Variants in A1CF observed in about 807,000 individuals in gnomAD.
A1CF encodes the protein APOBEC-1 stimulating protein.
Under a neutral mutation model 68.9 loss-of-function variants are expected in A1CF, and 48 were observed. The observed-to-expected ratio is 0.70, with a 90% CI of 0.55 to 0.89. The LOEUF (loss-of-function observed/expected upper bound fraction) is 0.89. A1CF is among the 40% of genes least tolerant of loss of function. The probability of loss-of-function intolerance (pLI) is 0.00; values close to 1 mark genes in which losing one functional copy is unlikely to be tolerated. For missense variants in A1CF, 653 were observed against 718.9 expected (o/e 0.91, Z 1.05); for synonymous variants, 272 against 260.4 (o/e 1.04, Z -0.43).
At chr10:50,863,785 GAC>G (rs1230296872) in intron 2 of A1CF, among the ~76,000 whole-genome samples, 1 of 152,046 alleles carries the variant, frequency 6.6e-6, no homozygotes, top group East Asian at 1.9e-4. Context: ...AATACAGTGA[GAC>G]AGAAGTTCTA....
chr10:50,821,024 T>C (rs1838635889), intron 7 of A1CF, among the ~76,000 whole-genome samples: 1 of 152,200 alleles, frequency 6.6e-6, no homozygotes, highest in Non-Finnish European at 1.5e-5. Flanking sequence ...ATTTAGGTGA[T>C]TACTTTTGCT....
chr10:50,865,197 T>G lies in A1CF; in HGVS notation c.-93-1117A>C, dbSNP rs7902249. Among the ~76,000 whole-genome samples, 326 of 152,178 alleles carry G rather than the reference T, an allele frequency of 2.1e-3. 1 individual carries two copies. Among genetic ancestry groups the G allele is most frequent in the African/African-American group, 7.3e-3 (304 of 41,522 alleles). On this transcript the variant is annotated intron_variant, in intron 1 of 12. Transcript: ENST00000373997. ...TCACCTGAGCCTGGGAGGTTGAGCT[T>G]ACAGTGAGCTGCGATTAGGCCACTG...
Position 50,859,852 on chromosome 10 carries a change from C to A in A1CF, c.89G>T (p.Ser30Ile). 1 of 1,613,870 alleles carries A rather than the reference C, an allele frequency of 6.2e-7. No individual in the cohort carries two copies. The highest frequency in any genetic ancestry group is 8.5e-7 in the Non-Finnish European group (1 of 1,179,862). The change falls in exon 3 of 13, where the codon AGC (serine) becomes ATC (isoleucine). Residue 30 changes from serine (S) to isoleucine (I), a missense_variant. Ser to Ile is a moderately radical substitution (Grantham distance 142). Coordinates refer to ENST00000373997, the MANE Select transcript of A1CF (RefSeq NM_014576.4). The part of the protein sequence containing the change: ...LRALVQRTGY[S>I]LVQENGQRKY... The stretch of plus-strand genomic sequence containing the variant: ...TTCACAAGTTCCTACCTGGACCAAG[C>A]TATATCCTGTGCGCTGGACCAGTGC...
intron 8 of A1CF, among the ~76,000 whole-genome samples, chr10:50,816,666 T>G (rs548594995): frequency 6.6e-6 from 1 of 152,316 alleles, no homozygotes; most frequent in Admixed American, 6.5e-5. Flanking sequence ...ATGGATGGTA[T>G]AAAATCTCCA....
chr10:50,825,271 G>GTA (rs1838862992), intron 7 of A1CF, among the ~76,000 whole-genome samples: 2 of 152,062 alleles, frequency 1.3e-5, no homozygotes, highest in Admixed American at 1.3e-4. Context: ...CCAGGAGACT[G>GTA]GGAAATTCTC....
intron 7 of A1CF, among the ~76,000 whole-genome samples, chr10:50,826,205 G>A (rs879555935): frequency 3.9e-5 from 6 of 152,110 alleles, no homozygotes; most frequent in Non-Finnish European, 7.4e-5. Flanking sequence ...GAAATTTATA[G>A]TTTAGTGAAG....
intron 7 of A1CF, 135 bp downstream of exon 7, chr10:50,827,996 A>T (rs1301393581): frequency 1.4e-5 from 7 of 506,136 alleles, no homozygotes; most frequent in Non-Finnish European, 3.2e-6. Flanking sequence ...ACCGTCAGAG[A>T]ATACTATAAA....
At chr10:50,835,594 C>G (rs962977733) in intron 6 of A1CF, among the ~76,000 whole-genome samples, 3 of 152,098 alleles carry the variant, frequency 2.0e-5, no homozygotes, top group Non-Finnish European at 4.4e-5. Flanking sequence ...CTAAGGAGAG[C>G]TTTTATCTCT....
chr10:50,817,101 A>G lies in A1CF; in HGVS notation c.868-822T>C, dbSNP rs543848247. Among the ~76,000 whole-genome samples, 6 of 152,142 alleles carry G rather than the reference A, an allele frequency of 3.9e-5. No homozygotes were observed. The East Asian group carries it at 1.2e-3, about 29-fold the overall frequency. On this transcript the variant is annotated intron_variant, in intron 8 of 12. Transcript: ENST00000373997. ...TCCAGATGTCAAAGATAATGGATGT[A>G]TGTAGATCTACGTGTGCTACTAACT...
chr10:50,852,668 C>G (rs1005663726), intron 3 of A1CF, among the ~76,000 whole-genome samples: 3 of 152,106 alleles, frequency 2.0e-5, no homozygotes, highest in South Asian at 2.1e-4. Flanking sequence ...GACCCAGGAG[C>G]TATATTTTGC....
rs184096853 is a variant in A1CF, at chr10:50,816,354, T to C, written c.868-75A>G. On this transcript the variant is annotated intron_variant, in intron 8 of 12. Transcript: ENST00000373997. ...CAAGTGTGGCTGAGCCCTAATAACA[T>C]GACTCCTTCTAAGTGTTAGACTATT... The C allele has an allele frequency of 5.3e-5, 76 of 1,446,486 alleles. No individual in the cohort carries two copies. In the East Asian group the frequency reaches 1.7e-3, roughly 32 times the overall value. The allele number at this position is 1,446,486 out of a possible 1,614,324, so 89.6% of individuals were successfully genotyped here. A position where few individuals can be genotyped will look rare whatever the true frequency, so the allele number is the denominator to read the frequency against.
At chr10:50,869,586 G>A (rs1327410810) in intron 1 of A1CF, among the ~76,000 whole-genome samples, 3 of 152,002 alleles carry the variant, frequency 2.0e-5, no homozygotes, top group Non-Finnish European at 2.9e-5. Context: ...TATTAGTATT[G>A]TTATGAAAGG....
chr10:50,837,831 T>C lies in A1CF; in HGVS notation c.366-1519A>G, dbSNP rs116093440. 4.1e-3 allele frequency among the ~76,000 whole-genome samples: 627 copies of C among 152,210 alleles called. 2 individuals carry two copies. Among genetic ancestry groups the C allele is most frequent in the African/African-American group, 0.014 (583 of 41,540 alleles). On this transcript the variant is annotated intron_variant, in intron 5 of 12. Coordinates refer to ENST00000373997, the MANE Select transcript of A1CF (RefSeq NM_014576.4). Reference sequence around the variant, plus strand: ...TTAAAAAGAGTAACGTAGAAGAATATATATTGGTTTAAAAAAACAGTTCAC... The same window carrying C: ...TTAAAAAGAGTAACGTAGAAGAATACATATTGGTTTAAAAAAACAGTTCAC...
At position 50,810,042 on chromosome 10, in the gene A1CF, G is replaced by T. The variant is rs1838028080; in HGVS notation, c.1461C>A (p.Ile487=). 6.2e-7 allele frequency: 1 copy of T among 1,613,696 alleles called. No individual in the cohort carries two copies. Residue 487 remains isoleucine, a splice_region_variant and synonymous_variant, in exon 12 of 13, where the codon ATC becomes ATA. Coordinates refer to ENST00000373997, the MANE Select transcript of A1CF (RefSeq NM_014576.4). Reference sequence around the variant, plus strand: ...TCAGCTTTGGAGGTGTGAAAGGGTGGCTGGAAAGCAAGTCAGTCAGGGTAG... The same window carrying T: ...TCAGCTTTGGAGGTGTGAAAGGGTGTCTGGAAAGCAAGTCAGTCAGGGTAG... ...IPALASQNPA[I]HPFTPPKLSA... is the part of the protein sequence containing the mutation.
At chr10:50,845,764 G>A (rs1298370941) in intron 3 of A1CF, among the ~76,000 whole-genome samples, 1 of 152,102 alleles carries the variant, frequency 6.6e-6, no homozygotes, top group Non-Finnish European at 1.5e-5. Context: ...GACCAGCCTG[G>A]CCAACATGGT....
At chr10:50,855,463 G>C (rs1267040624) in intron 3 of A1CF, among the ~76,000 whole-genome samples, 1 of 151,802 alleles carries the variant, frequency 6.6e-6, no homozygotes, top group African/African-American at 2.4e-5. Flanking sequence ...TTTTCAACAA[G>C]AGTATGTATT....
intron 6 of A1CF, among the ~76,000 whole-genome samples, chr10:50,832,218 G>T (rs533546999): frequency 6.6e-6 from 1 of 152,312 alleles, no homozygotes; most frequent in South Asian, 2.1e-4. Context: ...TTGTGAGCCA[G>T]TTAAAGTCGC....
rs1172423335 is a variant in A1CF, at chr10:50,801,908, G to A, written c.*4821C>T. The A allele has an allele frequency of 6.6e-6, 1 of 152,150 alleles. No homozygotes were observed. The highest frequency in any genetic ancestry group is 2.4e-5 in the African/African-American group (1 of 41,492). The allele number at this position is 152,150 out of a possible 1,614,324, so 9.4% of individuals were successfully genotyped here. On this transcript the variant is annotated 3_prime_UTR_variant, in exon 13 of 13. Transcript: ENST00000373997. ...TTCCTACAAAACCAAGGAGAACTGG[G>A]GGCACATAAAGTTTGCAATCTCCCA... is the stretch of plus-strand genomic sequence containing the variant.
Position 50,872,905 on chromosome 10 carries a change from G to A in A1CF, c.-93-8825C>T, listed in dbSNP as rs143869684. 4.8e-4 allele frequency among the ~76,000 whole-genome samples: 71 copies of A among 149,066 alleles called. No homozygotes were observed. In the East Asian group the frequency reaches 0.011, roughly 24 times the overall value. On this transcript the variant is annotated intron_variant, in intron 1 of 12. Transcript: ENST00000373997. ...ATGATGTATCATTTGGCAAGATCTGGCTCAGCTTTCATGCTTACTTTTATT... is the reference window on the plus strand; with the variant it reads ...ATGATGTATCATTTGGCAAGATCTGACTCAGCTTTCATGCTTACTTTTATT...
Sources: allele counts gnomAD v4.1 joint callset (sites outside exome capture counted in the v4.1 genomes callset), GRCh38; gene constraint gnomAD v4.1.1; transcripts MANE v1.5; gene names NCBI Gene and HGNC (gene_info 2026-07-23, HGNC 2026-07-21).